PPP2R2C: variants seen among roughly 807,000 people sequenced by gnomAD.
The protein encoded by PPP2R2C is protein phosphatase 2, regulatory subunit B, gamma.
Under a neutral mutation model 45.3 loss-of-function variants are expected in PPP2R2C, and 10 were observed. The observed-to-expected ratio is 0.22, with a 90% confidence interval of 0.14 to 0.37. PPP2R2C has a LOEUF of 0.37. Among genes scored for constraint, PPP2R2C ranks in the 10% least tolerant of loss-of-function variants. The pLI is 1.00. For synonymous variants in PPP2R2C, 257 were observed against 245.4 expected (o/e 1.05, Z -0.44); for missense variants, 308 against 619.7 (o/e 0.50, Z 5.34).
At chr4:6,539,891 G>A (rs1404219046) in intron 1 of PPP2R2C, among the ~76,000 whole-genome samples, 1 of 152,040 alleles carries the variant, frequency 6.6e-6, no homozygotes, top group African/African-American at 2.4e-5. Context: ...AGAGGGGTCT[G>A]GGTCCTAACC....
At chr4:6,346,754 C>A (rs532305073) in intron 6 of PPP2R2C, among the ~76,000 whole-genome samples, 1 of 152,228 alleles carries the variant, frequency 6.6e-6, no homozygotes, top group Admixed American at 6.5e-5. Flanking sequence ...TGCACCCTGT[C>A]TCTGACTGCC....
chr4:6,481,169 A>C (rs546981477), intron 2 of PPP2R2C, among the ~76,000 whole-genome samples: 42 of 152,318 alleles, frequency 2.8e-4, no homozygotes, highest in South Asian at 2.5e-3. Context: ...GAAGTCATTC[A>C]TTTTGATGTA....
chr4:6,365,506 G>A (rs192984892), intron 5 of PPP2R2C, among the ~76,000 whole-genome samples: 1 of 152,218 alleles, frequency 6.6e-6, no homozygotes, highest in Non-Finnish European at 1.5e-5. Flanking sequence ...ACACTCCCAT[G>A]GGATAAAGGG....
chr4:6,479,462 C>T (rs147265551), intron 2 of PPP2R2C, among the ~76,000 whole-genome samples: 315 of 125,778 alleles, frequency 2.5e-3, no homozygotes, highest in Middle Eastern at 0.024. Flanking sequence ...GAGAAAATGT[C>T]TTGGAATTCT....
At chr4:6,391,734 G>A (rs1197457892) in intron 1 of PPP2R2C, among the ~76,000 whole-genome samples, 1 of 152,228 alleles carries the variant, frequency 6.6e-6, no homozygotes, top group Non-Finnish European at 1.5e-5. Context: ...GTGACCCTTG[G>A]GGGAGCGGCA....
chr4:6,529,426 T>C (rs1330779999), intron 2 of PPP2R2C, among the ~76,000 whole-genome samples: 2 of 152,224 alleles, frequency 1.3e-5, no homozygotes, highest in Non-Finnish European at 2.9e-5. Context: ...GTGCACACCA[T>C]GAGCCAAGCT....
At position 6,404,389 on chromosome 4, in the gene PPP2R2C, C is replaced by T. The variant is rs1285593893; in HGVS notation, c.71-23295G>A. ...ACTTGCAGATACTCCTACCCTATCT[C>T]GCCAGAGGCATGGAAACCCTTGGGG... is the stretch of plus-strand genomic sequence containing the variant. On this transcript the variant is annotated intron_variant, in intron 1 of 8. Transcript: ENST00000382599. 3.3e-5 allele frequency among the ~76,000 whole-genome samples: 5 copies of T among 152,210 alleles called. No homozygotes were observed. In the South Asian group the frequency reaches 6.2e-4, roughly 19 times the overall value.
intron 2 of PPP2R2C, among the ~76,000 whole-genome samples, chr4:6,517,814 T>C (rs949557197): frequency 6.6e-6 from 1 of 152,174 alleles, no homozygotes; most frequent in Non-Finnish European, 1.5e-5. Context: ...GGGGTTCCAA[T>C]ACCAGTTCCC....
At chr4:6,535,252 G>A (rs13141184) in intron 2 of PPP2R2C, 951,340 of 1,534,378 alleles carry the variant, frequency 0.62, 298,849 homozygotes, top group South Asian at 0.67. Context: ...CTGCCCGGCT[G>A]TGAGAACGGG....
At chr4:6,445,354 T>C (rs1720365799) in intron 1 of PPP2R2C, among the ~76,000 whole-genome samples, 1 of 152,220 alleles carries the variant, frequency 6.6e-6, no homozygotes, top group African/African-American at 2.4e-5. Context: ...TAAGCAACCA[T>C]GCATTTAATT....
intron 1 of PPP2R2C, among the ~76,000 whole-genome samples, chr4:6,457,831 ACC>A: frequency 6.6e-6 from 1 of 152,348 alleles, no homozygotes; most frequent in Non-Finnish European, 1.5e-5. Flanking sequence ...ACCTTACGAT[ACC>A]AAAAAAGCAC....
intron 1 of PPP2R2C, among the ~76,000 whole-genome samples, chr4:6,464,274 G>A (rs114120134): frequency 1.8e-3 from 279 of 152,270 alleles, no homozygotes; most frequent in African/African-American, 6.3e-3. Context: ...AAGTCCACTT[G>A]GATCATTCTG....
intron 1 of PPP2R2C, among the ~76,000 whole-genome samples, chr4:6,429,484 A>C (rs186031327): frequency 6.6e-6 from 1 of 152,332 alleles, no homozygotes; most frequent in Non-Finnish European, 1.5e-5. Context: ...AATTGTAAGG[A>C]AACCCAAAAC....
intron 1 of PPP2R2C, among the ~76,000 whole-genome samples, chr4:6,386,464 C>G (rs4689428): frequency 0.43 from 65,223 of 152,116 alleles, 16,346 homozygotes; most frequent in African/African-American, 0.7. Context: ...CACACACACA[C>G]AGGACAGACT....
intron 1 of PPP2R2C, among the ~76,000 whole-genome samples, chr4:6,537,982 A>T (rs1236704334): frequency 6.6e-6 from 1 of 152,192 alleles, no homozygotes; most frequent in Non-Finnish European, 1.5e-5. Flanking sequence ...GGCTGGGGTT[A>T]TGGAGAGTTG....
chr4:6,420,789 C>T (rs1426384584), intron 1 of PPP2R2C, among the ~76,000 whole-genome samples: 1 of 152,170 alleles, frequency 6.6e-6, no homozygotes, highest in Non-Finnish European at 1.5e-5. Context: ...CAGACCTCGA[C>T]GATGACGGCA....
chr4:6,416,887 G>T (rs1479161480), intron 1 of PPP2R2C, among the ~76,000 whole-genome samples: 2 of 152,218 alleles, frequency 1.3e-5, no homozygotes, highest in Non-Finnish European at 2.9e-5. Context: ...CTGTCGGGGG[G>T]AGACTGACTG....
intron 7 of PPP2R2C, 101 bp downstream of exon 7, chr4:6,333,461 G>A: frequency 7.4e-7 from 1 of 1,344,492 alleles, no homozygotes; most frequent in Non-Finnish European, 1.0e-6. Flanking sequence ...CTACATACCG[G>A]GCATATGAAA....
In PPP2R2C at chr4:6,450,530, G is replaced by A. The variant is rs1407346587; in HGVS notation, c.70+21630C>T. Among the ~76,000 whole-genome samples, 8 of 152,128 alleles carry A rather than the reference G, an allele frequency of 5.3e-5. No homozygotes were observed. The East Asian group carries it at 7.7e-4, about 15-fold the overall frequency. The stretch of plus-strand genomic sequence containing the variant: ...GGTCAGCTCGGGGGGTTCCAGCCCC[G>A]ACCATCAAGGCATCCAAGTGAATAA... On this transcript the variant is annotated intron_variant, in intron 1 of 8. Coordinates refer to ENST00000382599, the MANE Select transcript of PPP2R2C (RefSeq NM_020416.4).
Sources: gnomAD v4.1 joint callset for allele counts (sites outside exome capture counted in the v4.1 genomes callset) on GRCh38, gnomAD v4.1.1 for gene constraint, MANE v1.5 for transcripts, NCBI Gene and HGNC (gene_info 2026-07-23, HGNC 2026-07-21) for gene names.